Variants in VPS54 observed in about 807,000 individuals in gnomAD.
VPS54 encodes the protein VPS54 subunit of GARP complex, also known as vacuolar protein sorting-associated protein 54.
In VPS54, 45 loss-of-function variants were observed where a neutral mutation model predicts 121.5. That is an observed-to-expected ratio of 0.37 (90% CI 0.29 to 0.47). The LOEUF is 0.47. Among genes scored for constraint, VPS54 ranks in the 20% least tolerant of loss-of-function variants. The probability of loss-of-function intolerance (pLI) is 0.99; values close to 1 mark genes in which losing one functional copy is unlikely to be tolerated. For missense variants in VPS54, 1,090 were observed against 1,131.4 expected (o/e 0.96, Z 0.52); for synonymous variants, 371 against 385.8 (o/e 0.96, Z 0.45).
chr2:63,989,203 A>G (rs557042763), intron 1 of VPS54, among the ~76,000 whole-genome samples: 11 of 152,330 alleles, frequency 7.2e-5, no homozygotes, highest in African/African-American at 2.4e-4. Context: ...GTGCCTGCAC[A>G]GCGGGACCGG....
intron 7 of VPS54, among the ~76,000 whole-genome samples, chr2:63,957,577 G>C (rs1675562522): frequency 6.6e-6 from 1 of 151,712 alleles, no homozygotes; most frequent in Non-Finnish European, 1.5e-5. Context: ...TAATAATTAT[G>C]AGTTATGCAA....
intron 1 of VPS54, among the ~76,000 whole-genome samples, chr2:63,994,581 C>A (rs1464933477): frequency 6.6e-6 from 1 of 152,214 alleles, no homozygotes; most frequent in Non-Finnish European, 1.5e-5. Flanking sequence ...CGGACATGCA[C>A]CTGGTTGTAT....
intron 1 of VPS54, among the ~76,000 whole-genome samples, chr2:64,003,272 T>C (rs1351872038): frequency 2.0e-5 from 3 of 152,210 alleles, no homozygotes; most frequent in Non-Finnish European, 4.4e-5. Context: ...TCAAGTTAAC[T>C]ACCATCTAGA....
intron 4 of VPS54, 27 bp downstream of exon 4, chr2:63,972,139 T>C (rs1575974294): frequency 7.1e-7 from 1 of 1,409,554 alleles, no homozygotes; most frequent in Non-Finnish European, 9.6e-7. Flanking sequence ...CTATGCTTTA[T>C]TATCTATAAA....
At chr2:63,943,965 CA>C (rs1674857107) in intron 10 of VPS54, among the ~76,000 whole-genome samples, 2 of 151,684 alleles carry the variant, frequency 1.3e-5, no homozygotes, top group South Asian at 4.2e-4. Flanking sequence ...CTCTTGGGCT[CA>C]AGCGATTCTC....
At chr2:63,953,012 T>C (rs1675325358) in intron 7 of VPS54, among the ~76,000 whole-genome samples, 1 of 152,084 alleles carries the variant, frequency 6.6e-6, no homozygotes, top group African/African-American at 2.4e-5. Flanking sequence ...TTACTCACTT[T>C]TAAAAGAATT....
chr2:63,983,078 C>G (rs887534106), intron 2 of VPS54, among the ~76,000 whole-genome samples: 1 of 152,008 alleles, frequency 6.6e-6, no homozygotes, highest in African/African-American at 2.4e-5. Flanking sequence ...TCATTTTCAA[C>G]ACTTTTTCAG....
chr2:63,936,234 C>G (rs1216679434), intron 11 of VPS54, among the ~76,000 whole-genome samples: 1 of 139,318 alleles, frequency 7.2e-6, no homozygotes, highest in African/African-American at 2.7e-5. Context: ...TCTAGGGATT[C>G]TTCTTTGCTG....
At chr2:63,899,445 C>T (rs1386487833) in intron 21 of VPS54, 29 bp downstream of exon 21, 2 of 1,588,158 alleles carry the variant, frequency 1.3e-6, no homozygotes, top group Non-Finnish European at 8.6e-7. Context: ...GTTATATATA[C>T]ATGAATAGTT....
At chr2:63,940,309 C>G (rs1313876683) in intron 11 of VPS54, among the ~76,000 whole-genome samples, 1 of 151,942 alleles carries the variant, frequency 6.6e-6, no homozygotes, top group Non-Finnish European at 1.5e-5. Flanking sequence ...ACTTTTTTCA[C>G]AGAAAAAAGT....
At chr2:63,961,124 G>C (rs532687620) in intron 7 of VPS54, among the ~76,000 whole-genome samples, 44 of 152,230 alleles carry the variant, frequency 2.9e-4, no homozygotes, top group Admixed American at 5.2e-4. Flanking sequence ...GAGACTTTTA[G>C]AGCACTGAAC....
chr2:64,006,370 T>G (rs1190388244), intron 1 of VPS54, among the ~76,000 whole-genome samples: 1 of 152,240 alleles, frequency 6.6e-6, no homozygotes, highest in African/African-American at 2.4e-5. Context: ...TGATTCTAGA[T>G]CTCCACCTTC....
chr2:63,941,437 A>G (rs951098072), intron 11 of VPS54, among the ~76,000 whole-genome samples: 3 of 152,080 alleles, frequency 2.0e-5, no homozygotes, highest in African/African-American at 7.2e-5. Context: ...ATGTTGCCCA[A>G]GCTGGTCTCA....
chr2:63,987,350 T>A (rs1338656621), intron 1 of VPS54, among the ~76,000 whole-genome samples: 3 of 152,202 alleles, frequency 2.0e-5, no homozygotes, highest in Non-Finnish European at 4.4e-5. Flanking sequence ...TTGTTAAGAA[T>A]GAGATCACTG....
chr2:63,955,394 C>T (rs1011104077), intron 7 of VPS54, among the ~76,000 whole-genome samples: 7 of 151,804 alleles, frequency 4.6e-5, no homozygotes, highest in Non-Finnish European at 1.0e-4. Context: ...GTATGTGTTA[C>T]CTCAAGTATA....
At chr2:63,954,117 T>C (rs1575952610) in intron 7 of VPS54, among the ~76,000 whole-genome samples, 1 of 152,274 alleles carries the variant, frequency 6.6e-6, no homozygotes. Context: ...CTAAATACTA[T>C]TTCCTACTAA....
intron 3 of VPS54, 105 bp from the exon 4 acceptor site, chr2:63,972,349 C>A (rs991365285): frequency 1.4e-6 from 1 of 725,550 alleles, no homozygotes; most frequent in Non-Finnish European, 2.2e-6. Context: ...ATTAGTCCTA[C>A]GACTTTTAAT....
chr2:63,900,293 A>G (rs947611753), intron 20 of VPS54, among the ~76,000 whole-genome samples: 1 of 151,926 alleles, frequency 6.6e-6, no homozygotes, highest in Non-Finnish European at 1.5e-5. Flanking sequence ...AATCTGGCAG[A>G]ATAAATATGT....
At chr2:64,002,456 A>G (rs1007821773) in intron 1 of VPS54, among the ~76,000 whole-genome samples, 4 of 152,238 alleles carry the variant, frequency 2.6e-5, no homozygotes, top group Non-Finnish European at 5.9e-5. Context: ...ACATTTTGAC[A>G]TGAAGTGTTA....
Sources: gnomAD v4.1 joint callset for allele counts (sites outside exome capture counted in the v4.1 genomes callset) on GRCh38, gnomAD v4.1.1 for gene constraint, MANE v1.5 for transcripts, NCBI Gene and HGNC (gene_info 2026-07-23, HGNC 2026-07-21) for gene names.